The following ATRX variants were observed in gnomAD, a reference collection of about 807,000 sequenced individuals.
ATRX encodes ATRX chromatin remodeler, also known as chromatin remodeler ATRX.
ATRX carries 12 observed loss-of-function variants against 172.6 expected under a neutral mutation model. That is an observed-to-expected ratio of 0.07 (90% CI 0.04 to 0.11). The LOEUF is 0.11. Ranked by LOEUF, ATRX falls within the 10% of genes least tolerant of loss-of-function variation. The probability of loss-of-function intolerance (pLI) is 1.00; values close to 1 mark genes in which losing one functional copy is unlikely to be tolerated. For missense variants in ATRX, 1,368 were observed against 1,767.4 expected, an observed-to-expected ratio of 0.77 and a Z score of 4.05; for synonymous variants, 674 against 594.7, an observed-to-expected ratio of 1.13 and a Z score of -1.94.
chrX:77,696,853 A>G (rs1047185711), intron 4 of ATRX, 149 bp from the exon 5 acceptor site: 4 of 541,603 alleles, frequency 7.4e-6, no homozygotes, highest in Admixed American at 7.3e-5. Flanking sequence ...TGTCTATACC[A>G]TATCACTGAA....
At chrX:77,520,747 T>C (rs782353430) in intron 34 of ATRX, 41 bp downstream of exon 34, 15 of 1,190,455 alleles carry the variant, frequency 1.3e-5, no homozygotes, top group Non-Finnish European at 1.7e-5. Flanking sequence ...GTCAAGAAAA[T>C]TAAACATAAC....
Position 77,760,758 on chromosome X carries a change from C to CA in ATRX, c.20+25223dup, listed in dbSNP as rs1335015172. On this transcript the variant is annotated intron_variant, in intron 1 of 34. Coordinates refer to ENST00000373344, the MANE Select transcript of ATRX (RefSeq NM_000489.6). ...TTAATTCTTTAAAAGAAATCTAAAG[C>CA]AAATATGACATAAGATTTTAAAATA... is the stretch of plus-strand genomic sequence containing the variant. Among the ~76,000 whole-genome samples, 4 of 111,302 alleles carry CA rather than the reference C, an allele frequency of 3.6e-5. No individual in the cohort carries two copies. In the Admixed American group the frequency reaches 3.9e-4, roughly 11 times the overall value.
chrX:77,747,505 T>C (rs2075130603), intron 1 of ATRX, among the ~76,000 whole-genome samples: 1 of 111,457 alleles, frequency 9.0e-6, no homozygotes, highest in African/African-American at 3.3e-5. Flanking sequence ...GCCTGAGCTA[T>C]AGAGTGAGAC....
At position 77,681,635 on chromosome X, in the gene ATRX, A is replaced by T; in HGVS notation, c.3621T>A (p.Asp1207Glu). ...QADITSSSSS[D>E]IEDDDQNSIG... ...TAGAATTCTGATCATCATCTTCTATATCAGAAGAAGATGAGGATGTAATGT... is the reference window on the plus strand; with the variant it reads ...TAGAATTCTGATCATCATCTTCTATTTCAGAAGAAGATGAGGATGTAATGT... The change falls in exon 9 of 35, where the codon GAT (aspartate) becomes GAA (glutamate). Residue 1207 changes from aspartate (D) to glutamate (E), a missense_variant. Asp to Glu is a conservative substitution (Grantham distance 45). Coordinates refer to ENST00000373344, the MANE Select transcript of ATRX (RefSeq NM_000489.6). 8.3e-7 allele frequency: 1 copy of T among 1,206,904 alleles called. No homozygotes were observed. Among genetic ancestry groups the T allele is most frequent in the Non-Finnish European group, 1.1e-6 (1 of 893,201 alleles).
chrX:77,557,595 C>T lies in ATRX; in HGVS notation c.6555G>A (p.Leu2185=), dbSNP rs781823496. The change falls in exon 30 of 35, where the codon CTG becomes CTA. Residue 2185 remains leucine, a synonymous_variant. Coordinates refer to ENST00000373344, the MANE Select transcript of ATRX (RefSeq NM_000489.6). The stretch of plus-strand genomic sequence containing the variant: ...GCTGCTGATCAACAACTCGAAAAGA[C>T]AGTGACTGCTTAGTTACTTGCCGAT... The part of the protein sequence containing the change: ...IYDRQVTKQS[L]SFRVVDQQQV... The T allele has an allele frequency of 1.7e-6, 2 of 1,208,863 alleles. No homozygotes were observed. Among genetic ancestry groups the T allele is most frequent in the South Asian group, 3.6e-5 (2 of 56,070 alleles).
chrX:77,704,906 G>A (rs1172326945), intron 2 of ATRX, among the ~76,000 whole-genome samples: 2 of 112,040 alleles, frequency 1.8e-5, no homozygotes, highest in African/African-American at 6.5e-5. Flanking sequence ...CATGATTTGG[G>A]TGGCTGCAGC....
chrX:77,752,363 A>G (rs2075333077), intron 1 of ATRX, among the ~76,000 whole-genome samples: 1 of 112,064 alleles, frequency 8.9e-6, no homozygotes, highest in African/African-American at 3.2e-5. Context: ...TTATCAGCTC[A>G]AGGAGTTTTT....
chrX:77,615,584 T>C (rs1162437209), intron 22 of ATRX, among the ~76,000 whole-genome samples: 1 of 111,525 alleles, frequency 9.0e-6, no homozygotes, highest in Non-Finnish European at 1.9e-5. Flanking sequence ...GATATACAAA[T>C]GAAAATGTGT....
intron 1 of ATRX, among the ~76,000 whole-genome samples, chrX:77,774,079 G>A (rs944826501): frequency 3.6e-5 from 4 of 110,424 alleles, no homozygotes; most frequent in African/African-American, 9.9e-5. Context: ...AAAATTAGCC[G>A]TGCGTGGTGG....
At chrX:77,511,713 T>C (rs1569513744) in intron 34 of ATRX, among the ~76,000 whole-genome samples, 1 of 111,338 alleles carries the variant, frequency 9.0e-6, no homozygotes, top group East Asian at 2.8e-4. Flanking sequence ...GCAGAACCGA[T>C]CAAGGAGAAG....
intron 10 of ATRX, among the ~76,000 whole-genome samples, chrX:77,669,606 G>A (rs1423469038): frequency 9.0e-6 from 1 of 111,708 alleles, no homozygotes; most frequent in Non-Finnish European, 1.9e-5. Context: ...TTACAGGCAT[G>A]AGCCACCGCG....
At chrX:77,756,750 A>C (rs2075514225) in intron 1 of ATRX, among the ~76,000 whole-genome samples, 1 of 109,641 alleles carries the variant, frequency 9.1e-6, no homozygotes, top group Non-Finnish European at 1.9e-5. Flanking sequence ...TTTTGGTCTC[A>C]CTGGGAGCTG....
intron 2 of ATRX, among the ~76,000 whole-genome samples, chrX:77,699,273 A>G (rs890006597): frequency 1.8e-5 from 2 of 110,376 alleles, no homozygotes; most frequent in African/African-American, 3.3e-5. Context: ...AGCTGGGACT[A>G]CAGGCGCGCA....
intron 13 of ATRX, 24 bp from the exon 14 acceptor site, chrX:77,654,224 A>G: frequency 8.9e-7 from 1 of 1,123,816 alleles, no homozygotes; most frequent in South Asian, 1.8e-5. Context: ...AAAACACAAA[A>G]TAAAATATTT....
chrX:77,631,433 C>G (rs2068102748), intron 19 of ATRX, among the ~76,000 whole-genome samples: 2 of 111,010 alleles, frequency 1.8e-5, no homozygotes, highest in African/African-American at 6.6e-5. Context: ...TTCCAATGAA[C>G]AGATGAGGGA....
chrX:77,580,631 C>T (rs2065794865), intron 27 of ATRX, among the ~76,000 whole-genome samples: 1 of 111,717 alleles, frequency 9.0e-6, no homozygotes, highest in Non-Finnish European at 1.9e-5. Context: ...GGATTTTATC[C>T]ACACCAAACC....
chrX:77,536,435 A>C (rs1438135590), intron 30 of ATRX, among the ~76,000 whole-genome samples: 1 of 111,444 alleles, frequency 9.0e-6, no homozygotes, highest in Non-Finnish European at 1.9e-5. Context: ...ACCTACTTAA[A>C]CCCTTAAAAG....
intron 1 of ATRX, among the ~76,000 whole-genome samples, chrX:77,725,983 G>A (rs1441500065): frequency 4.5e-5 from 5 of 111,854 alleles, no homozygotes; most frequent in Admixed American, 2.8e-4. Flanking sequence ...ACACATGCTG[G>A]AGAGGATGTG....
chrX:77,717,287 T>A, intron 1 of ATRX, 44 bp from the exon 2 acceptor site: 1 of 1,020,932 alleles, frequency 9.8e-7, no homozygotes, highest in Non-Finnish European at 1.4e-6. Flanking sequence ...TAGCCTTTCA[T>A]GTTTTAAATT....
Sources: gnomAD v4.1 joint callset for allele counts (sites outside exome capture counted in the v4.1 genomes callset) on GRCh38, gnomAD v4.1.1 for gene constraint, MANE v1.5 for transcripts, NCBI Gene and HGNC (gene_info 2026-07-23, HGNC 2026-07-21) for gene names.